ZNF43: variants seen among roughly 807,000 people sequenced by gnomAD.
ZNF43 encodes zinc finger protein 39-like 1 (KOX 27).
ZNF43 carries 44 observed loss-of-function variants against 68.4 expected under a neutral mutation model. The observed-to-expected ratio is 0.64, with a 90% CI of 0.51 to 0.83. The LOEUF (loss-of-function observed/expected upper bound fraction) is 0.83, where lower values mean the gene tolerates loss of function less well. Ranked by LOEUF, ZNF43 falls within the 40% of genes least tolerant of loss-of-function variation. ZNF43 has a pLI of 0.00. For synonymous variants in ZNF43, 308 were observed against 307.8 expected (o/e 1.00, Z -0.01); for missense variants, 896 against 933.2 (o/e 0.96, Z 0.52).
rs1279619094 is a variant in ZNF43, at chr19:21,808,122, T to C, written c.1915A>G (p.Lys639Glu). 3.1e-6 allele frequency: 5 copies of C among 1,612,704 alleles called. No homozygotes were observed. The highest frequency in any genetic ancestry group is 4.2e-6 in the Non-Finnish European group (5 of 1,179,738). ...KAFNQFSTLT[K>E]HKIIHTEEKP... ...TCCTCAGTGTGAATTATCTTATGTT[T>C]AGTAAGAGTTGAGAACTGGTTAAAA... Residue 639 changes from lysine to glutamate, a missense_variant, in exon 4 of 4, where the codon AAA (lysine) becomes GAA (glutamate). Lys to Glu is a moderately conservative substitution (Grantham distance 56). Coordinates refer to ENST00000354959, the MANE Select transcript of ZNF43 (RefSeq NM_003423.4).
At chr19:21,841,970 G>A (rs1048358486) in intron 1 of ZNF43, among the ~76,000 whole-genome samples, 1 of 152,208 alleles carries the variant, frequency 6.6e-6, no homozygotes, top group African/African-American at 2.4e-5. Flanking sequence ...ACTAGGTGAT[G>A]TGACTCTCCT....
Position 21,836,047 on chromosome 19 carries a change from TTCCG to T in ZNF43, c.-13_-10del, listed in dbSNP as rs2038712295. 1 of 1,613,834 alleles carries T rather than the reference TTCCG, an allele frequency of 6.2e-7. No homozygotes were observed. Among genetic ancestry groups the T allele is most frequent in the African/African-American group, 1.3e-5 (1 of 74,922 alleles). On this transcript the variant is annotated 5_prime_UTR_variant, in exon 1 of 4. Coordinates refer to ENST00000354959, the MANE Select transcript of ZNF43 (RefSeq NM_003423.4). ...ACCGGCACTCTCACCATTTCTAGGCTTCCGGGGGGTCCTGGCGTCTTAGCTGTGG... is the reference window on the plus strand; with the variant it reads ...ACCGGCACTCTCACCATTTCTAGGCTGGGGGTCCTGGCGTCTTAGCTGTGG...
At position 21,807,656 on chromosome 19, in the gene ZNF43, T is replaced by C; in HGVS notation, c.2381A>G (p.Asp794Gly). The C allele has an allele frequency of 6.3e-7, 1 of 1,579,862 alleles. No homozygotes were observed. The highest frequency in any genetic ancestry group is 1.4e-5 in the African/African-American group (1 of 73,480). The change falls in exon 4 of 4, where the codon GAT becomes GGT. Residue 794 changes from aspartate (D) to glycine (G), a missense_variant. Coordinates refer to ENST00000354959, the MANE Select transcript of ZNF43 (RefSeq NM_003423.4). Reference sequence around the variant, plus strand: ...AGGTGTTGTCAAAATCACTGTCACATCTTCAGGTTTGTAGAGTTTCTCTCC... The same window carrying C: ...AGGTGTTGTCAAAATCACTGTCACACCTTCAGGTTTGTAGAGTTTCTCTCC... ...HTGEKLYKPE[D>G]VTVILTTPQT...
Position 21,807,755 on chromosome 19 carries a change from G to C in ZNF43, c.2282C>G (p.Pro761Arg), listed in dbSNP as rs1335045564. Residue 761 changes from proline (P) to arginine (R), a missense_variant, in exon 4 of 4, where the codon CCC becomes CGC. Pro to Arg is a moderately radical substitution (Grantham distance 103). Coordinates refer to ENST00000354959, the MANE Select transcript of ZNF43 (RefSeq NM_003423.4). The stretch of plus-strand genomic sequence containing the variant: ...TTTGCCACATTCTTTACATTTGTAG[G>C]GTTGCTCTTTAGTATGAATTCTCTT... ...THKRIHTKEQ[P>R]YKCKECGKAF... 2 of 1,613,426 alleles carry C rather than the reference G, an allele frequency of 1.2e-6. No individual in the cohort carries two copies. The highest frequency in any genetic ancestry group is 1.7e-6 in the Non-Finnish European group (2 of 1,179,720).
chr19:21,829,944 C>CA (rs1018754016), intron 1 of ZNF43, among the ~76,000 whole-genome samples: 2 of 151,940 alleles, frequency 1.3e-5, no homozygotes, highest in East Asian at 1.9e-4. Flanking sequence ...GAGAGTTAGA[C>CA]AAAAAAATGA....
At chr19:21,848,687 A>G (rs965031540) in intron 1 of ZNF43, among the ~76,000 whole-genome samples, 1 of 152,314 alleles carries the variant, frequency 6.6e-6, no homozygotes, top group Non-Finnish European at 1.5e-5. Flanking sequence ...GTGCTGGCCA[A>G]TGTCACAACC....
intron 1 of ZNF43, among the ~76,000 whole-genome samples, chr19:21,842,609 G>C (rs932707287): frequency 6.6e-6 from 1 of 151,906 alleles, no homozygotes; most frequent in Non-Finnish European, 1.5e-5. Flanking sequence ...ATGTGGGTAA[G>C]GCTCATAAAG....
At chr19:21,847,920 T>A (rs1180894981) in intron 1 of ZNF43, among the ~76,000 whole-genome samples, 1 of 151,782 alleles carries the variant, frequency 6.6e-6, no homozygotes, top group Non-Finnish European at 1.5e-5. Context: ...AACCTCCATG[T>A]CCCGCAATTC....
At chr19:21,827,395 CTT>C in intron 1 of ZNF43, 1 of 151,192 alleles carries the variant, frequency 6.6e-6, no homozygotes. Flanking sequence ...AAGTTTCCCT[CTT>C]GTTGCCCAGG....
At chr19:21,837,392 G>C (rs1967182618), upstream of ZNF43, among the ~76,000 whole-genome samples, 1 of 141,078 alleles carries the variant, frequency 7.1e-6, no homozygotes, top group Non-Finnish European at 1.5e-5. Context: ...ATGTGTATTT[G>C]CATCTACATT....
At chr19:21,836,911 A>AT (rs1233668471), upstream of ZNF43, among the ~76,000 whole-genome samples, 2 of 152,226 alleles carry the variant, frequency 1.3e-5, no homozygotes, top group African/African-American at 2.4e-5. Flanking sequence ...TTATCAAAAA[A>AT]TTTTTTTAAA....
At chr19:21,817,684 G>A (rs2457799) in intron 3 of ZNF43, among the ~76,000 whole-genome samples, 7,538 of 152,222 alleles carry the variant, frequency 0.05, 400 homozygotes, top group African/African-American at 0.14. Context: ...GAAGATCACC[G>A]AAGGGAAATA....
Position 21,808,020 on chromosome 19 carries a change from T to G in ZNF43, c.2017A>C (p.Thr673Pro). 1 of 1,612,918 alleles carries G rather than the reference T, an allele frequency of 6.2e-7. No individual in the cohort carries two copies. The highest frequency in any genetic ancestry group is 8.5e-7 in the Non-Finnish European group (1 of 1,179,906). Residue 673 changes from threonine to proline, a missense_variant, in exon 4 of 4, where the codon ACT becomes CCT. Transcript: ENST00000354959. ...STLTKHKIIH[T>P]GEKPYKCEEC... ...TCACATTTGTAGGGTTTCTCTCCAGTATGAATTATCTTATGTTTAGTAAGG... is the reference window on the plus strand; with the variant it reads ...TCACATTTGTAGGGTTTCTCTCCAGGATGAATTATCTTATGTTTAGTAAGG...
chr19:21,835,265 A>G (rs1279235312), intron 1 of ZNF43, among the ~76,000 whole-genome samples: 3 of 145,546 alleles, frequency 2.1e-5, no homozygotes, highest in South Asian at 4.4e-4. Context: ...AAAAAAAAAA[A>G]AGAAAAAAAA....
At chr19:21,811,839 A>G (rs955068621) in intron 3 of ZNF43, among the ~76,000 whole-genome samples, 2 of 152,204 alleles carry the variant, frequency 1.3e-5, no homozygotes, top group African/African-American at 4.8e-5. Flanking sequence ...CTTGAATTAT[A>G]TATACAAATA....
At chr19:21,828,805 G>A (rs1454788506) in intron 1 of ZNF43, among the ~76,000 whole-genome samples, 18 of 151,244 alleles carry the variant, frequency 1.2e-4, no homozygotes, top group Admixed American at 3.3e-4. Flanking sequence ...AGGCCGCAGC[G>A]AGCAGATCAC....
chr19:21,825,124 C>T lies in ZNF43; in HGVS notation c.4-5903G>A, dbSNP rs185669974. On this transcript the variant is annotated intron_variant, in intron 1 of 3. Transcript: ENST00000354959. ...TGGCATATGCTTGTAATCCCAGCTA[C>T]TCGGGAGGCTAAGGCAGGAGAACTG... is the stretch of plus-strand genomic sequence containing the variant. 3.3e-4 allele frequency among the ~76,000 whole-genome samples: 50 copies of T among 152,226 alleles called. 1 individual carries two copies. The East Asian group carries it at 8.5e-3, about 26-fold the overall frequency.
chr19:21,832,673 G>C (rs1352241752), intron 1 of ZNF43, among the ~76,000 whole-genome samples: 3 of 152,036 alleles, frequency 2.0e-5, no homozygotes, highest in Non-Finnish European at 4.4e-5. Flanking sequence ...GAGACCAGCC[G>C]GGCCAATATG....
At chr19:21,846,926 G>C (rs962213384) in intron 1 of ZNF43, among the ~76,000 whole-genome samples, 1 of 152,184 alleles carries the variant, frequency 6.6e-6, no homozygotes, top group African/African-American at 2.4e-5. Context: ...TGTCAGTGCA[G>C]GGCCTAGCAA....
Sources: allele counts gnomAD v4.1 joint callset (sites outside exome capture counted in the v4.1 genomes callset), GRCh38; gene constraint gnomAD v4.1.1; transcripts MANE v1.5; gene names NCBI Gene and HGNC (gene_info 2026-07-23, HGNC 2026-07-21).